The following GRIK4 variants were observed in gnomAD, a reference collection of about 807,000 sequenced individuals.
The protein encoded by GRIK4 is glutamate receptor ionotropic, kainate 4.
GRIK4 carries 40 observed loss-of-function variants against 104.9 expected under a neutral mutation model. The ratio of observed to expected loss-of-function variants is 0.38; its 90% CI spans 0.30 to 0.50. The LOEUF is 0.50. Among genes scored for constraint, GRIK4 ranks in the 20% least tolerant of loss-of-function variants. The pLI is 0.93. For missense variants in GRIK4, 1,047 were observed against 1,308.1 expected (o/e 0.80, Z 3.08); for synonymous variants, 485 against 524.9 (o/e 0.92, Z 1.04).
intron 8 of GRIK4, among the ~76,000 whole-genome samples, chr11:120,856,058 G>C (rs1032099460): frequency 1.3e-5 from 2 of 152,224 alleles, no homozygotes; most frequent in African/African-American, 4.8e-5. Context: ...GACACCGGCA[G>C]CACGGAGGAT....
At chr11:120,923,769 A>G (rs1341906324) in intron 13 of GRIK4, among the ~76,000 whole-genome samples, 3 of 152,164 alleles carry the variant, frequency 2.0e-5, no homozygotes, top group East Asian at 1.9e-4. Context: ...GGTACCATTC[A>G]TACTTTACTC....
At chr11:120,643,641 C>T (rs1196091553) in intron 1 of GRIK4, among the ~76,000 whole-genome samples, 2 of 152,202 alleles carry the variant, frequency 1.3e-5, no homozygotes. Flanking sequence ...CAACTTGGCT[C>T]ATCGCTCATT....
Position 120,951,208 on chromosome 11 carries a change from G to T in GRIK4, c.1591-1647G>T, listed in dbSNP as rs577787213. 3.9e-5 allele frequency among the ~76,000 whole-genome samples: 6 copies of T among 152,266 alleles called. No individual in the cohort carries two copies. The South Asian group carries it at 1.2e-3, about 32-fold the overall frequency. On this transcript the variant is annotated intron_variant, in intron 14 of 20. Coordinates refer to ENST00000527524, the MANE Select transcript of GRIK4 (RefSeq NM_014619.5). ...GTAAAACTGCACCGCAGGCCCACCG[G>T]CTCCCTAAGAAGGAAGGGAAAAGCA...
intron 8 of GRIK4, among the ~76,000 whole-genome samples, chr11:120,842,862 A>G (rs975934440): frequency 2.0e-5 from 3 of 152,266 alleles, no homozygotes; most frequent in African/African-American, 7.2e-5. Flanking sequence ...TTGAGACAGC[A>G]GGGTGGTTGA....
intron 13 of GRIK4, among the ~76,000 whole-genome samples, chr11:120,912,449 G>T (rs1178752393): frequency 6.6e-6 from 1 of 152,204 alleles, no homozygotes; most frequent in Non-Finnish European, 1.5e-5. Context: ...AGGAAGACGG[G>T]AGCCCGTGAA....
intron 3 of GRIK4, among the ~76,000 whole-genome samples, chr11:120,748,042 A>C (rs1951477389): frequency 6.6e-6 from 1 of 152,158 alleles, no homozygotes; most frequent in Admixed American, 6.5e-5. Flanking sequence ...AGCTAATTCA[A>C]TATCCTCTCT....
intron 1 of GRIK4, among the ~76,000 whole-genome samples, chr11:120,520,857 A>T (rs915343779): frequency 6.6e-6 from 1 of 152,152 alleles, no homozygotes; most frequent in Non-Finnish European, 1.5e-5. Context: ...AGTTCCTAAG[A>T]TGACAACAGA....
chr11:120,837,481 G>A (rs1217959371), intron 8 of GRIK4, among the ~76,000 whole-genome samples: 2 of 152,078 alleles, frequency 1.3e-5, no homozygotes, highest in Non-Finnish European at 2.9e-5. Context: ...CCAAATACCT[G>A]CCCCATTGTT....
At chr11:120,596,977 G>A (rs1483963840) in intron 1 of GRIK4, among the ~76,000 whole-genome samples, 8 of 152,264 alleles carry the variant, frequency 5.3e-5, no homozygotes, top group African/African-American at 1.7e-4. Context: ...CATCCGCCTC[G>A]GCCTCCCAAA....
intron 3 of GRIK4, among the ~76,000 whole-genome samples, chr11:120,753,231 C>T (rs1431442277): frequency 6.6e-6 from 1 of 151,912 alleles, no homozygotes; most frequent in East Asian, 1.9e-4. Context: ...GAGGGGCCTC[C>T]GGCTTAAGGC....
intron 1 of GRIK4, among the ~76,000 whole-genome samples, chr11:120,546,258 G>A (rs1029288119): frequency 2.0e-5 from 3 of 152,188 alleles, no homozygotes; most frequent in Non-Finnish European, 4.4e-5. Context: ...CCCAGTTGCT[G>A]TGGGTTTGCT....
At chr11:120,543,877 G>A (rs2266100) in intron 1 of GRIK4, among the ~76,000 whole-genome samples, 42,244 of 152,136 alleles carry the variant, frequency 0.28, 6,064 homozygotes, top group Admixed American at 0.41. Context: ...AGTGAAATAA[G>A]CCAGGTACAG....
chr11:120,520,426 C>T (rs1042029616), intron 1 of GRIK4, among the ~76,000 whole-genome samples: 3 of 152,362 alleles, frequency 2.0e-5, no homozygotes, highest in Admixed American at 1.3e-4. Flanking sequence ...ATTAGAGAGC[C>T]ACCTCCTGAA....
chr11:120,710,335 G>A (rs1356516422), intron 3 of GRIK4, among the ~76,000 whole-genome samples: 3 of 152,138 alleles, frequency 2.0e-5, no homozygotes, highest in South Asian at 2.1e-4. Context: ...CCGAGTCACC[G>A]GGAGGTTAGG....
chr11:120,596,855 G>T (rs1026605253), intron 1 of GRIK4, among the ~76,000 whole-genome samples: 3 of 152,148 alleles, frequency 2.0e-5, no homozygotes, highest in Non-Finnish European at 4.4e-5. Flanking sequence ...CTGCCGAGTG[G>T]CTGGGATTAC....
intron 4 of GRIK4, 71 bp downstream of exon 4, chr11:120,802,928 C>A: frequency 1.5e-6 from 2 of 1,320,980 alleles, no homozygotes; most frequent in Non-Finnish European, 2.2e-6. Flanking sequence ...GTGAGCTGCA[C>A]CTATCAGTCA....
intron 1 of GRIK4, among the ~76,000 whole-genome samples, chr11:120,554,520 C>T (rs549739747): frequency 6.6e-6 from 1 of 152,146 alleles, no homozygotes; most frequent in African/African-American, 2.4e-5. Context: ...GCTTCCTTTT[C>T]CTTCCAGTCT....
intron 4 of GRIK4, among the ~76,000 whole-genome samples, chr11:120,809,044 A>AT (rs1952773613): frequency 6.6e-6 from 1 of 152,076 alleles, no homozygotes; most frequent in Admixed American, 6.5e-5. Flanking sequence ...GGCACTTACC[A>AT]TTAGCTCCTC....
At chr11:120,589,309 A>G (rs1259022144) in intron 1 of GRIK4, among the ~76,000 whole-genome samples, 1 of 152,252 alleles carries the variant, frequency 6.6e-6, no homozygotes, top group Non-Finnish European at 1.5e-5. Context: ...TAGGCCAACC[A>G]TAACGCAGTT....
Sources: gnomAD v4.1 joint callset for allele counts (sites outside exome capture counted in the v4.1 genomes callset) on GRCh38, gnomAD v4.1.1 for gene constraint, MANE v1.5 for transcripts, NCBI Gene and HGNC (gene_info 2026-07-23, HGNC 2026-07-21) for gene names.